Variants in PARVA observed in about 807,000 individuals in gnomAD.
PARVA encodes the protein parvin alpha, also known as alpha-parvin.
Under a neutral mutation model 52.6 loss-of-function variants are expected in PARVA, and 25 were observed. The observed-to-expected ratio is 0.48, with a 90% confidence interval of 0.35 to 0.66. PARVA has a LOEUF of 0.66. Among genes scored for constraint, PARVA ranks in the 30% least tolerant of loss-of-function variants. PARVA has a pLI of 0.01. For synonymous variants in PARVA, 185 were observed against 179.1 expected (o/e 1.03, Z -0.26); for missense variants, 373 against 450.9 (o/e 0.83, Z 1.56).
In PARVA at chr11:12,534,984, A is replaced by G. The variant is rs1457961698; in HGVS notation, c.*7059A>G. 6.6e-6 allele frequency among the ~76,000 whole-genome samples: 1 copy of G among 152,252 alleles called. No individual in the cohort carries two copies. Among genetic ancestry groups the G allele is most frequent in the African/African-American group, 2.4e-5 (1 of 41,464 alleles). ...TTGACTTAAAATGATGGACAATAAGATAGTGAGCAGTAAGTGTGCTCTAGG... is the reference window on the plus strand; with the variant it reads ...TTGACTTAAAATGATGGACAATAAGGTAGTGAGCAGTAAGTGTGCTCTAGG... On this transcript the variant is annotated 3_prime_UTR_variant, in exon 13 of 13. Transcript: ENST00000334956.
intron 12 of PARVA, among the ~76,000 whole-genome samples, chr11:12,518,743 G>A (rs1244874048): frequency 3.3e-5 from 5 of 152,190 alleles, no homozygotes; most frequent in East Asian, 3.9e-4. Flanking sequence ...GTGGGATCGC[G>A]GGGATCAGGG....
chr11:12,387,555 G>C (rs996453225), intron 1 of PARVA, among the ~76,000 whole-genome samples: 3 of 7,868 alleles, frequency 3.8e-4, no homozygotes, highest in African/African-American at 4.8e-4. Flanking sequence ...ATTTTTGAGC[G>C]TGTGTGTGTG....
intron 11 of PARVA, 62 bp downstream of exon 11, chr11:12,517,773 A>C (rs1941589055): frequency 8.6e-7 from 1 of 1,168,104 alleles, no homozygotes. Context: ...ATGTGCCCAC[A>C]CCCATGCTGG....
In PARVA at chr11:12,531,731, G is replaced by T. The variant is rs1941774315; in HGVS notation, c.*3806G>T. Among the ~76,000 whole-genome samples the T allele has an allele frequency of 1.3e-5, 2 of 151,264 alleles. No individual in the cohort carries two copies. The stretch of plus-strand genomic sequence containing the variant: ...GTCCTGAAATCTTCACTAATTCCAA[G>T]ATTGCGTGTCATTTCCCCCAAAAAT... On this transcript the variant is annotated 3_prime_UTR_variant, in exon 13 of 13. Coordinates refer to ENST00000334956, the MANE Select transcript of PARVA (RefSeq NM_018222.5).
chr11:12,381,105 A>G (rs1193961520), intron 1 of PARVA, among the ~76,000 whole-genome samples: 1 of 152,226 alleles, frequency 6.6e-6, no homozygotes, highest in Non-Finnish European at 1.5e-5. Flanking sequence ...GCTGCGGCAT[A>G]TGGTATTTCT....
At chr11:12,512,690 C>T (rs1941517188) in intron 8 of PARVA, among the ~76,000 whole-genome samples, 2 of 152,216 alleles carry the variant, frequency 1.3e-5, no homozygotes, top group African/African-American at 4.8e-5. Context: ...ACAGAGCACG[C>T]ACATGCTTGT....
intron 12 of PARVA, among the ~76,000 whole-genome samples, chr11:12,524,881 G>T (rs1459006925): frequency 6.6e-6 from 1 of 152,230 alleles, no homozygotes; most frequent in Non-Finnish European, 1.5e-5. Flanking sequence ...CACCTGGAGT[G>T]AGTACTATGA....
rs1564874318 is a variant in PARVA, at chr11:12,533,908, C to T, written c.*5983C>T. ...CATGGGCCGAGCACGGTGGCTCACA[C>T]CTGTAATCCCAGCACTTTGGGAGGC... is the stretch of plus-strand genomic sequence containing the variant. On this transcript the variant is annotated 3_prime_UTR_variant, in exon 13 of 13. Coordinates refer to ENST00000334956, the MANE Select transcript of PARVA (RefSeq NM_018222.5). Among the ~76,000 whole-genome samples the T allele has an allele frequency of 6.6e-6, 1 of 151,914 alleles. No individual in the cohort carries two copies. Among genetic ancestry groups the T allele is most frequent in the Admixed American group, 6.6e-5 (1 of 15,248 alleles).
chr11:12,398,459 A>C (rs1329059680), intron 1 of PARVA: 2 of 146,692 alleles, frequency 1.4e-5, no homozygotes, highest in African/African-American at 2.6e-5. Context: ...GGGTAGGCAC[A>C]GGAGGACAGG....
intron 1 of PARVA, among the ~76,000 whole-genome samples, chr11:12,396,680 G>A (rs116248287): frequency 3.9e-5 from 6 of 152,302 alleles, no homozygotes; most frequent in African/African-American, 9.6e-5. Flanking sequence ...GTCTTTGCTC[G>A]CATGGAACTT....
At chr11:12,441,719 G>T (rs1421223795) in intron 1 of PARVA, among the ~76,000 whole-genome samples, 1 of 152,192 alleles carries the variant, frequency 6.6e-6, no homozygotes, top group Admixed American at 6.5e-5. Flanking sequence ...GACTCAGAGA[G>T]AGGTCACCAA....
chr11:12,424,549 T>C (rs192625224), intron 1 of PARVA, among the ~76,000 whole-genome samples: 2 of 152,342 alleles, frequency 1.3e-5, no homozygotes, highest in East Asian at 3.9e-4. Context: ...ATTAGCCACA[T>C]TGAAGTCTCA....
At chr11:12,490,786 G>A (rs559145103) in intron 4 of PARVA, among the ~76,000 whole-genome samples, 7 of 152,210 alleles carry the variant, frequency 4.6e-5, no homozygotes, top group East Asian at 1.9e-4. Context: ...CCATACAACC[G>A]TAGCACATAA....
At chr11:12,481,292 A>G (rs1406434662) in intron 4 of PARVA, among the ~76,000 whole-genome samples, 7 of 152,132 alleles carry the variant, frequency 4.6e-5, no homozygotes, top group African/African-American at 1.7e-4. Flanking sequence ...TTATATCACT[A>G]TGGACATATT....
chr11:12,514,940 G>C (rs1941550077), intron 10 of PARVA, among the ~76,000 whole-genome samples: 1 of 152,124 alleles, frequency 6.6e-6, no homozygotes, highest in African/African-American at 2.4e-5. Flanking sequence ...GGCCTTTCTT[G>C]TTGTGGCACT....
rs747499150 is a variant in PARVA at position 12,496,520 on chromosome 11, C to A, written c.463C>A (p.Gln155Lys). 1 of 1,609,932 alleles carries A rather than the reference C, an allele frequency of 6.2e-7. No homozygotes were observed. ...EVTQSEIAQK[Q>K]KLQTVLEKIN... ...CACCCAGTCAGAGATTGCTCAGAAG[C>A]AAAAACTGCAGACTGTCCTGGAGAA... The change falls in exon 5 of 13, where the codon CAA becomes AAA. Residue 155 changes from glutamine (Q) to lysine (K), a missense_variant. Coordinates refer to ENST00000334956, the MANE Select transcript of PARVA (RefSeq NM_018222.5).
At chr11:12,408,981 GA>G (rs2134972644) in intron 1 of PARVA, among the ~76,000 whole-genome samples, 1 of 152,276 alleles carries the variant, frequency 6.6e-6, no homozygotes, top group Non-Finnish European at 1.5e-5. Flanking sequence ...GAACCAAAAG[GA>G]GGCCCCCATG....
chr11:12,399,908 TA>T (rs1939802338), intron 1 of PARVA, among the ~76,000 whole-genome samples: 1 of 152,174 alleles, frequency 6.6e-6, no homozygotes, highest in Admixed American at 6.5e-5. Flanking sequence ...TTTATATAAA[TA>T]TTTTTTCCAT....
chr11:12,526,043 C>T (rs1470583338), intron 12 of PARVA, among the ~76,000 whole-genome samples: 2 of 152,002 alleles, frequency 1.3e-5, no homozygotes, highest in Admixed American at 6.5e-5. Flanking sequence ...AGTGATATAA[C>T]GGACTTTAGA....
Sources: gnomAD v4.1 joint callset for allele counts (sites outside exome capture counted in the v4.1 genomes callset) on GRCh38, gnomAD v4.1.1 for gene constraint, MANE v1.5 for transcripts, NCBI Gene and HGNC (gene_info 2026-07-23, HGNC 2026-07-21) for gene names.